GTF3C2: variants seen among roughly 807,000 people sequenced by gnomAD.
GTF3C2 encodes general transcription factor IIIC subunit 2.
In GTF3C2, 17 loss-of-function variants were observed where a neutral mutation model predicts 117.4. The ratio of observed to expected loss-of-function variants is 0.14; its 90% CI spans 0.10 to 0.22. The LOEUF (loss-of-function observed/expected upper bound fraction) is 0.22. GTF3C2 is among the 10% of genes least tolerant of loss of function. GTF3C2 has a pLI of 1.00. For synonymous variants in GTF3C2, 437 were observed against 427.0 expected (o/e 1.02, Z -0.29); for missense variants, 888 against 1,143.6 (o/e 0.78, Z 3.22).
At chr2:27,354,128 G>A (rs1230588915) in intron 1 of GTF3C2, among the ~76,000 whole-genome samples, 1 of 150,948 alleles carries the variant, frequency 6.6e-6, no homozygotes, top group Non-Finnish European at 1.5e-5. Flanking sequence ...CAACAAAAAT[G>A]TTTAATTAGC....
chr2:27,343,576 C>T, exon 2 of GTF3C2: 1 of 1,612,118 alleles, frequency 6.2e-7, no homozygotes, highest in Non-Finnish European at 8.5e-7. Context: ...AAAATGGCTG[C>T]CCCTGCATAC....
chr2:27,333,809 T>A, intron 11 of GTF3C2, 25 bp from the exon 12 acceptor site: 1 of 1,598,576 alleles, frequency 6.3e-7, no homozygotes, highest in Non-Finnish European at 8.5e-7. Context: ...GAGATGGGAC[T>A]AGGGTTAGGG....
Position 27,329,305 on chromosome 2 carries a change from C to A in GTF3C2, c.1878-23G>T, listed in dbSNP as rs762029935. The stretch of plus-strand genomic sequence containing the variant: ...TGGCTGTAAAAAGACGGGAGAAGGT[C>A]AAATCCAAACAAATCCGGAAGTCAG... On this transcript the variant is annotated intron_variant, in intron 13 of 18. Transcript: ENST00000264720. This position sits in a 1 kb window ranked among gnomAD's most constrained non-coding sequence, Gnocchi z 4.5. The A allele has an allele frequency of 2.5e-6, 4 of 1,613,938 alleles. No individual in the cohort carries two copies. In the East Asian group the frequency reaches 8.9e-5, roughly 36 times the overall value.
intron 1 of GTF3C2, among the ~76,000 whole-genome samples, chr2:27,345,496 G>A (rs1680885195): frequency 6.6e-6 from 1 of 151,462 alleles, no homozygotes; most frequent in African/African-American, 2.4e-5. Context: ...AGGAGGCGGA[G>A]GCAAGAGAAT....
intron 12 of GTF3C2, among the ~76,000 whole-genome samples, chr2:27,330,926 C>T (rs886812265): frequency 1.1e-4 from 17 of 152,160 alleles, no homozygotes; most frequent in Non-Finnish European, 2.9e-5. Context: ...CATGCCACTG[C>T]ACTCCAGCCT....
chr2:27,355,123 G>C (rs959163630), intron 1 of GTF3C2, among the ~76,000 whole-genome samples: 16 of 152,294 alleles, frequency 1.1e-4, no homozygotes, highest in African/African-American at 3.6e-4. Context: ...TCTGATAGGT[G>C]AAAGAATTCT....
intron 1 of GTF3C2, among the ~76,000 whole-genome samples, chr2:27,348,763 A>G (rs1361928440): frequency 2.0e-5 from 3 of 152,238 alleles, no homozygotes; most frequent in East Asian, 1.9e-4. Context: ...ACTGCATCCC[A>G]GCCTGGGCAG....
chr2:27,337,463 G>C lies in GTF3C2; in HGVS notation c.1028+18C>G, dbSNP rs1338680922. ...GGTGTCACCCTTCCTAAGCTACAGAGATGTTGCTTCAACTTACAGCTCAGA... is the reference window on the plus strand; with the variant it reads ...GGTGTCACCCTTCCTAAGCTACAGACATGTTGCTTCAACTTACAGCTCAGA... On this transcript the variant is annotated intron_variant, in intron 6 of 18. Transcript: ENST00000264720. The C allele has an allele frequency of 1.3e-6, 2 of 1,567,736 alleles. No homozygotes were observed. Among genetic ancestry groups the C allele is most frequent in the African/African-American group, 1.4e-5 (1 of 74,030 alleles).
At chr2:27,326,162 A>C (rs1327543044) in exon 19 of GTF3C2, 3 of 469,436 alleles carry the variant, frequency 6.4e-6, no homozygotes, top group South Asian at 4.7e-5. Context: ...GAAGTACTCT[A>C]AGCAACTTCA....
At chr2:27,327,220 G>A (rs1680107689) in exon 18 of GTF3C2, 2 of 1,609,786 alleles carry the variant, frequency 1.2e-6, no homozygotes, top group South Asian at 1.1e-5. Context: ...GCAGAGTTGA[G>A]AATGCCCCTC....
At chr2:27,331,172 TAAG>T (rs1680260690) in intron 12 of GTF3C2, among the ~76,000 whole-genome samples, 1 of 152,094 alleles carries the variant, frequency 6.6e-6, no homozygotes, top group Non-Finnish European at 1.5e-5. Flanking sequence ...GTTTAGGAAT[TAAG>T]AAAGCAGAAC....
intron 12 of GTF3C2, among the ~76,000 whole-genome samples, chr2:27,330,383 AC>A (rs779143005): frequency 1.3e-5 from 2 of 151,140 alleles, no homozygotes; most frequent in African/African-American, 2.4e-5. Context: ...AATCACTTGA[AC>A]CCAGGAAGCA....
chr2:27,350,403 G>C, intron 1 of GTF3C2: 2 of 985,092 alleles, frequency 2.0e-6, no homozygotes, highest in Non-Finnish European at 2.4e-6. Flanking sequence ...AAAAACACTT[G>C]CATAAATAAA....
chr2:27,335,630 TG>T lies in GTF3C2; in HGVS notation c.1543del (p.His515IlefsTer14). On this transcript the variant is annotated frameshift_variant, in exon 10 of 19. Transcript: ENST00000264720. LOFTEE classifies it high-confidence loss of function. The stretch of plus-strand genomic sequence containing the variant: ...TTGCTGAGCCAGCAGGGCCTCCGGA[TG>T]GGGTAGACTGAATAGCAGTACTTTC... 6.4e-7 allele frequency: 1 copy of T among 1,556,388 alleles called. No homozygotes were observed. The highest frequency in any genetic ancestry group is 2.4e-5 in the East Asian group (1 of 41,690).
At chr2:27,347,613 G>A (rs1045814666) in intron 1 of GTF3C2, among the ~76,000 whole-genome samples, 1 of 152,218 alleles carries the variant, frequency 6.6e-6, no homozygotes, top group Admixed American at 6.5e-5. Flanking sequence ...GTACCCTTTT[G>A]AAGAAGTGAT....
chr2:27,356,500 C>T (rs1275781215), intron 1 of GTF3C2: 1 of 228,308 alleles, frequency 4.4e-6, no homozygotes, highest in Admixed American at 4.7e-5. Flanking sequence ...ACCGACACCG[C>T]GTGGGGGAGG....
At chr2:27,343,323 T>C (rs1426807272) in exon 2 of GTF3C2, 1 of 1,613,966 alleles carries the variant, frequency 6.2e-7, no homozygotes, top group African/African-American at 1.3e-5. Context: ...TGTTCCAGTC[T>C]GGAGAGGCTT....
At chr2:27,356,288 G>C in intron 1 of GTF3C2, 1 of 391,326 alleles carries the variant, frequency 2.6e-6, no homozygotes, top group Non-Finnish European at 5.0e-6. Flanking sequence ...AAGAGGCTGG[G>C]ACACAGCTGA....
intron 1 of GTF3C2, among the ~76,000 whole-genome samples, chr2:27,352,510 G>C (rs565232370): frequency 6.6e-6 from 1 of 152,154 alleles, no homozygotes; most frequent in African/African-American, 2.4e-5. Flanking sequence ...AATGGAACTG[G>C]AATTAGTTTA....
Sources: allele counts gnomAD v4.1 joint callset (sites outside exome capture counted in the v4.1 genomes callset), GRCh38; gene constraint gnomAD v4.1.1; non-coding constraint Gnocchi (gnomAD v3.1); transcripts MANE v1.5; gene names NCBI Gene and HGNC (gene_info 2026-07-23, HGNC 2026-07-21).